LOC131768270: variants seen among roughly 807,000 people sequenced by gnomAD.
At chr5:140,565,611 A>G in the LOC131768270 span, 3 of 270,356 alleles carry the variant, frequency 1.1e-5, no homozygotes, top group African/African-American at 6.6e-5. Flanking sequence ...CCTTTCCTAC[A>G]TACTGCTTGC....
the LOC131768270 span, chr5:140,567,345 T>C: frequency 4.3e-6 from 7 of 1,614,158 alleles, no homozygotes; most frequent in Admixed American, 6.7e-5. Flanking sequence ...CTGACTGAGC[T>C]GACCAAGCTA....
At chr5:140,568,864 T>A in the LOC131768270 span, 1 of 167,158 alleles carries the variant, frequency 6.0e-6, no homozygotes, top group Non-Finnish European at 1.5e-5. Context: ...CCCTGAGGGC[T>A]GTCTTGAAGC....
chr5:140,567,497 A>T, the LOC131768270 span: 1 of 1,614,146 alleles, frequency 6.2e-7, no homozygotes, highest in Non-Finnish European at 8.5e-7. Flanking sequence ...TCAGCGTTAC[A>T]TGGACCCCAG....
the LOC131768270 span, chr5:140,564,985 C>G: frequency 2.5e-6 from 1 of 399,334 alleles, no homozygotes; most frequent in African/African-American, 2.1e-5. This position sits in a 1 kb window ranked among gnomAD's most constrained non-coding sequence, Gnocchi z 5.0. Context: ...TTCTGCGGCT[C>G]CTGTCAACTG....
the LOC131768270 span, chr5:140,567,135 T>C: frequency 6.2e-7 from 1 of 1,614,062 alleles, no homozygotes; most frequent in Non-Finnish European, 8.5e-7. Context: ...TTGCAATCCC[T>C]GCTGCCCCTT....
At chr5:140,566,531 C>T in the LOC131768270 span, 1 of 414,504 alleles carries the variant, frequency 2.4e-6, no homozygotes, top group Non-Finnish European at 4.2e-6. Flanking sequence ...AGGAAGGAGC[C>T]TAGCTAAGTT....
chr5:140,567,353 C>T, the LOC131768270 span: 1 of 1,614,198 alleles, frequency 6.2e-7, no homozygotes, highest in Non-Finnish European at 8.5e-7. Context: ...GCTGACCAAG[C>T]TACTGTTATG....
the LOC131768270 span, chr5:140,567,872 C>A: frequency 6.2e-7 from 1 of 1,614,210 alleles, no homozygotes; most frequent in Non-Finnish European, 8.5e-7. Flanking sequence ...GAATCTAGGT[C>A]TGCATGCTGG....
At chr5:140,566,961 G>A in the LOC131768270 span, 1 of 758,106 alleles carries the variant, frequency 1.3e-6, no homozygotes, top group African/African-American at 1.7e-5. Context: ...AGCTCCATGG[G>A]ACTCGCCCCA....
At chr5:140,565,690 C>T in the LOC131768270 span, 1 of 380,132 alleles carries the variant, frequency 2.6e-6, no homozygotes, top group Non-Finnish European at 4.6e-6. Context: ...CCCTTCCTGG[C>T]CCTCATTTGA....
the LOC131768270 span, chr5:140,565,088 A>G: frequency 5.1e-6 from 2 of 395,394 alleles, no homozygotes; most frequent in Non-Finnish European, 8.9e-6. Flanking sequence ...ACCATCACGA[A>G]CCCGTTACTA....
the LOC131768270 span, chr5:140,567,609 T>A: frequency 6.2e-7 from 1 of 1,614,256 alleles, no homozygotes; most frequent in East Asian, 2.2e-5. Context: ...TTAGCGCTGC[T>A]GCTGCTGATG....
the LOC131768270 span, chr5:140,567,021 G>A: frequency 4.8e-6 from 6 of 1,239,600 alleles, no homozygotes; most frequent in African/African-American, 7.4e-5. Context: ...AGCCCTGACT[G>A]TGGAGTTGGT....
the LOC131768270 span, chr5:140,568,116 C>T: frequency 9.3e-6 from 15 of 1,613,576 alleles, no homozygotes; most frequent in African/African-American, 1.9e-4. Context: ...ATTGGCCTGG[C>T]CATGCGCCTG....
the LOC131768270 span, chr5:140,565,366 G>A: frequency 5.7e-5 from 9 of 158,400 alleles, no homozygotes; most frequent in East Asian, 1.7e-3. Flanking sequence ...ATGTCCTTGG[G>A]AAGAAAGAGG....
chr5:140,566,709 G>C, the LOC131768270 span: 3 of 577,538 alleles, frequency 5.2e-6, no homozygotes, highest in African/African-American at 5.6e-5. Context: ...TGTGCCCAAC[G>C]TGGAGAAGAC....
At chr5:140,568,297 T>G in the LOC131768270 span, 12 of 1,215,848 alleles carry the variant, frequency 9.9e-6, no homozygotes, top group Non-Finnish European at 1.3e-5. Flanking sequence ...GGTTATTCTC[T>G]GGAGGTTGGT....
the LOC131768270 span, chr5:140,568,337 A>C: frequency 2.8e-5 from 24 of 858,164 alleles, no homozygotes; most frequent in East Asian, 6.2e-4. Context: ...GGAGATGTGA[A>C]GTGTGGGTTT....
the LOC131768270 span, chr5:140,567,693 C>A: frequency 1.2e-6 from 2 of 1,614,130 alleles, no homozygotes; most frequent in Non-Finnish European, 1.7e-6. Context: ...CCTCCAGCAG[C>A]TGCTGCCAGC....
Sources: gnomAD v4.1 joint callset for allele counts on GRCh38, gnomAD v4.1.1 for gene constraint, Gnocchi (gnomAD v3.1) non-coding constraint, MANE v1.5 for transcripts.